SLC22A16: variants seen among roughly 807,000 people sequenced by gnomAD.
SLC22A16 encodes solute carrier family 22 member 16.
A neutral mutation model predicts 52.9 loss-of-function variants in SLC22A16; 53 were observed. The ratio of observed to expected loss-of-function variants is 1.00; its 90% CI spans 0.80 to 1.26. SLC22A16 has a LOEUF of 1.26. SLC22A16 is among the 50% of genes most tolerant of loss of function. The pLI is 0.00. For missense variants in SLC22A16, 726 were observed against 704.0 expected, an observed-to-expected ratio of 1.03 and a Z score of -0.35; for synonymous variants, 291 against 268.8, an observed-to-expected ratio of 1.08 and a Z score of -0.81.
At chr6:110,458,285 A>G (rs562981523) in intron 1 of SLC22A16, among the ~76,000 whole-genome samples, 2 of 152,234 alleles carry the variant, frequency 1.3e-5, no homozygotes, top group South Asian at 2.1e-4. Context: ...CTTGTATCCA[A>G]TAAATAACAG....
intron 1 of SLC22A16, among the ~76,000 whole-genome samples, chr6:110,465,274 C>T (rs1776022902): frequency 6.6e-6 from 1 of 151,798 alleles, no homozygotes. Context: ...CTAAATAGCA[C>T]AGTACTAGAA....
chr6:110,455,903 C>G (rs951517523), intron 2 of SLC22A16: 21 of 152,448 alleles, frequency 1.4e-4, no homozygotes, highest in African/African-American at 5.1e-4. Flanking sequence ...AAGGCACCAT[C>G]TTGAAAGCAA....
chr6:110,463,905 A>C (rs1274198226), intron 1 of SLC22A16, among the ~76,000 whole-genome samples: 6 of 147,190 alleles, frequency 4.1e-5, no homozygotes, highest in African/African-American at 1.6e-4. Flanking sequence ...AGCAAGTCTC[A>C]ATAAATGCAA....
intron 1 of SLC22A16, among the ~76,000 whole-genome samples, chr6:110,475,767 A>G (rs1776443599): frequency 6.6e-6 from 1 of 152,178 alleles, no homozygotes; most frequent in Admixed American, 6.5e-5. Context: ...TGAGTCAGAT[A>G]GAGGAGCTCT....
intron 7 of SLC22A16, 109 bp from the exon 8 acceptor site, chr6:110,425,194 A>C (rs1468984016): frequency 1.3e-6 from 2 of 1,532,862 alleles, no homozygotes; most frequent in African/African-American, 1.4e-5. Flanking sequence ...TGAATTTGAC[A>C]TAACAGTTGT....
At chr6:110,474,410 A>T (rs1776386092) in intron 1 of SLC22A16, among the ~76,000 whole-genome samples, 1 of 152,216 alleles carries the variant, frequency 6.6e-6, no homozygotes, top group South Asian at 2.1e-4. Context: ...ATAGATACCA[A>T]TTAGAACAAA....
chr6:110,457,435 G>A (rs1015019688), intron 1 of SLC22A16, among the ~76,000 whole-genome samples: 1 of 152,234 alleles, frequency 6.6e-6, no homozygotes, highest in African/African-American at 2.4e-5. Context: ...GTAGCAACCT[G>A]AAAAAGTTCC....
chr6:110,465,141 A>G (rs916679101), intron 1 of SLC22A16, among the ~76,000 whole-genome samples: 1 of 152,020 alleles, frequency 6.6e-6, no homozygotes, highest in Non-Finnish European at 1.5e-5. Flanking sequence ...TCAAAGTAAC[A>G]TACCTCAAAA....
At chr6:110,438,649 G>A (rs1774833538) in intron 5 of SLC22A16, 71 bp downstream of exon 5, 5 of 1,523,118 alleles carry the variant, frequency 3.3e-6, no homozygotes, top group Non-Finnish European at 3.5e-6. Flanking sequence ...ATACTTAACT[G>A]TAATAAGCTA....
chr6:110,428,890 C>T (rs369429459), intron 7 of SLC22A16, among the ~76,000 whole-genome samples: 3 of 151,946 alleles, frequency 2.0e-5, no homozygotes, highest in East Asian at 1.9e-4. Flanking sequence ...ACTGCACTCC[C>T]GCCTGGTCGA....
At chr6:110,453,501 T>A in intron 2 of SLC22A16, 1 of 403,334 alleles carries the variant, frequency 2.5e-6, no homozygotes, top group Non-Finnish European at 4.9e-6. Context: ...GATGTTTGGG[T>A]CAGAGACAAA....
chr6:110,435,815 A>G (rs1245681790), intron 6 of SLC22A16, 37 bp downstream of exon 6: 4 of 1,451,656 alleles, frequency 2.8e-6, no homozygotes, highest in Non-Finnish European at 3.8e-6. Context: ...CAAGTGAAAG[A>G]TAATAGGAAA....
intron 2 of SLC22A16, among the ~76,000 whole-genome samples, chr6:110,447,340 C>A (rs1468132973): frequency 2.0e-5 from 3 of 152,194 alleles, no homozygotes; most frequent in Non-Finnish European, 4.4e-5. Flanking sequence ...CAGGCTGGCT[C>A]TGTCCACTAA....
chr6:110,461,503 C>G (rs1319911163), intron 1 of SLC22A16, among the ~76,000 whole-genome samples: 1 of 152,166 alleles, frequency 6.6e-6, no homozygotes, highest in Non-Finnish European at 1.5e-5. Flanking sequence ...GCTAGCTCTT[C>G]TTACCCTCAA....
chr6:110,427,027 G>A (rs558670273), intron 7 of SLC22A16, among the ~76,000 whole-genome samples: 3 of 151,738 alleles, frequency 2.0e-5, no homozygotes, highest in East Asian at 1.9e-4. Flanking sequence ...TAAGGCTGGC[G>A]GATCACGTGA....
At chr6:110,450,812 G>T (rs1232889851) in intron 2 of SLC22A16, among the ~76,000 whole-genome samples, 3 of 151,942 alleles carry the variant, frequency 2.0e-5, no homozygotes, top group Non-Finnish European at 4.4e-5. Flanking sequence ...CAAATGCCTA[G>T]AAATCACAAC....
At chr6:110,470,525 G>A (rs1014275754) in intron 1 of SLC22A16, among the ~76,000 whole-genome samples, 12 of 152,096 alleles carry the variant, frequency 7.9e-5, no homozygotes, top group East Asian at 5.8e-4. Flanking sequence ...CCATTCAGGC[G>A]TCCAGTCTTC....
intron 1 of SLC22A16, among the ~76,000 whole-genome samples, chr6:110,461,521 T>C (rs544873507): frequency 5.9e-5 from 9 of 152,264 alleles, no homozygotes; most frequent in Admixed American, 5.2e-4. Context: ...CAAGCGTCAC[T>C]TACTGGACTA....
chr6:110,450,775 T>C (rs1775348751), intron 2 of SLC22A16, among the ~76,000 whole-genome samples: 1 of 152,124 alleles, frequency 6.6e-6, no homozygotes, highest in South Asian at 2.1e-4. Context: ...GCATAAAATA[T>C]GTACAGTTTC....
Sources: gnomAD v4.1 joint callset for allele counts (sites outside exome capture counted in the v4.1 genomes callset) on GRCh38, gnomAD v4.1.1 for gene constraint, MANE v1.5 for transcripts, NCBI Gene and HGNC (gene_info 2026-07-23, HGNC 2026-07-21) for gene names.